The following RGS6 variants were observed in gnomAD, a reference collection of about 807,000 sequenced individuals.
RGS6 encodes regulator of G-protein signaling 6.
In RGS6, 30 loss-of-function variants were observed where a neutral mutation model predicts 78.5. That is an observed-to-expected ratio of 0.38 (90% CI 0.29 to 0.52). RGS6 has a LOEUF of 0.52. Ranked by LOEUF, RGS6 falls within the 20% of genes least tolerant of loss-of-function variation. RGS6 has a pLI of 0.85. For synonymous variants in RGS6, 206 were observed against 206.0 expected (o/e 1.00, Z 0.00); for missense variants, 495 against 609.7 (o/e 0.81, Z 1.98).
intron 2 of RGS6, among the ~76,000 whole-genome samples, chr14:71,984,970 C>G (rs185052092): frequency 6.6e-6 from 1 of 152,272 alleles, no homozygotes; most frequent in African/African-American, 2.4e-5. Context: ...ACATTTTGGT[C>G]TCTTCCTCCC....
chr14:72,411,570 C>T (rs1348948620), intron 3 of RGS6, among the ~76,000 whole-genome samples: 3 of 152,162 alleles, frequency 2.0e-5, no homozygotes, highest in Non-Finnish European at 4.4e-5. Flanking sequence ...CCTTCTCCTG[C>T]CTGATTGCCC....
intron 3 of RGS6, among the ~76,000 whole-genome samples, chr14:72,402,790 G>GTTTTTTTTTTTTTTTTTTTTTT (rs1167831473): frequency 2.6e-5 from 2 of 75,800 alleles, no homozygotes; most frequent in Non-Finnish European, 4.7e-5. Flanking sequence ...TGTTTTTTTG[G>GTTTTTTTTTTTTTTTTTTTTTT]TTTTTTTTTT....
At chr14:72,435,472 G>A (rs1335011839) in intron 3 of RGS6, among the ~76,000 whole-genome samples, 2 of 152,206 alleles carry the variant, frequency 1.3e-5, no homozygotes, top group African/African-American at 4.8e-5. Context: ...GGCCAAAGAT[G>A]TGTGTATGAG....
intron 3 of RGS6, among the ~76,000 whole-genome samples, chr14:72,437,350 A>G (rs10137599): frequency 8.3e-6 from 1 of 120,046 alleles, no homozygotes; most frequent in African/African-American, 4.0e-5. Flanking sequence ...CAAAAAAAAA[A>G]AAAAAAAAAA....
At chr14:72,413,639 T>A (rs1401552489) in intron 3 of RGS6, among the ~76,000 whole-genome samples, 1 of 152,230 alleles carries the variant, frequency 6.6e-6, no homozygotes. Context: ...TGCTCATTGG[T>A]TGATGCAGTT....
At chr14:72,118,110 A>C (rs551051965) in intron 2 of RGS6, among the ~76,000 whole-genome samples, 8 of 152,258 alleles carry the variant, frequency 5.3e-5, no homozygotes, top group African/African-American at 1.9e-4. Flanking sequence ...TCGTGTGTGT[A>C]CATGAACATC....
the RGS6 span, among the ~76,000 whole-genome samples, chr14:71,874,877 C>A: frequency 6.6e-6 from 1 of 152,122 alleles, no homozygotes; most frequent in Admixed American, 6.5e-5. Flanking sequence ...TGTTGAAGGC[C>A]TTTTACGCAT....
intron 3 of RGS6, among the ~76,000 whole-genome samples, chr14:72,354,252 A>G (rs1566607045): frequency 6.6e-6 from 1 of 152,048 alleles, no homozygotes; most frequent in Non-Finnish European, 1.5e-5. Flanking sequence ...GAGATCAGGT[A>G]CCATCATAGG....
At chr14:71,908,774 G>A in the RGS6 span, among the ~76,000 whole-genome samples, 21 of 152,254 alleles carry the variant, frequency 1.4e-4, no homozygotes, top group Admixed American at 1.2e-3. Context: ...AAACATGTTA[G>A]AGGAACCCCT....
intron 12 of RGS6, among the ~76,000 whole-genome samples, chr14:72,481,506 C>T (rs1302394843): frequency 1.3e-5 from 2 of 152,198 alleles, no homozygotes; most frequent in African/African-American, 2.4e-5. Flanking sequence ...CTGCCTCACA[C>T]GCCATCACTA....
chr14:72,523,385 G>A (rs2097075985), intron 15 of RGS6, among the ~76,000 whole-genome samples: 1 of 152,130 alleles, frequency 6.6e-6, no homozygotes, highest in Non-Finnish European at 1.5e-5. Flanking sequence ...CAGCCCATGG[G>A]GCTCAGGGGC....
At chr14:72,522,330 C>G (rs558623408) in intron 15 of RGS6, among the ~76,000 whole-genome samples, 1 of 152,288 alleles carries the variant, frequency 6.6e-6, no homozygotes, top group African/African-American at 2.4e-5. Flanking sequence ...AGACCCACCT[C>G]CAAGTACCAC....
At chr14:72,353,883 C>T (rs2079631137) in intron 3 of RGS6, among the ~76,000 whole-genome samples, 2 of 152,038 alleles carry the variant, frequency 1.3e-5, no homozygotes, top group South Asian at 2.1e-4. Context: ...ACTTGGGAGA[C>T]TGAGGCAGGA....
At chr14:71,965,534 A>G (rs1337078847) in intron 2 of RGS6, among the ~76,000 whole-genome samples, 5 of 152,276 alleles carry the variant, frequency 3.3e-5, no homozygotes, top group South Asian at 2.1e-4. Flanking sequence ...GGAAAGTAAC[A>G]GCAACCGGAA....
chr14:72,266,413 G>A (rs577465881), intron 2 of RGS6, among the ~76,000 whole-genome samples: 1 of 152,228 alleles, frequency 6.6e-6, no homozygotes, highest in South Asian at 2.1e-4. Flanking sequence ...TGGTTGCACA[G>A]TTATGCCGTC....
At chr14:72,427,828 T>G (rs2094489159) in intron 3 of RGS6, among the ~76,000 whole-genome samples, 1 of 152,228 alleles carries the variant, frequency 6.6e-6, no homozygotes, top group South Asian at 2.1e-4. Flanking sequence ...TCTTTTTGTT[T>G]TAAAATTGCT....
Position 72,566,330 on chromosome 14 carries a change from G to A in RGS6, c.*3863G>A, listed in dbSNP as rs897206522. On this transcript the variant is annotated 3_prime_UTR_variant, in exon 18 of 18. Transcript: ENST00000553525. Reference sequence around the variant, plus strand: ...CCAGCTGCTGTCAGCTGTCTGGGGAGGGAAGGCCCTGCTCCATACCAGGGG... The same window carrying A: ...CCAGCTGCTGTCAGCTGTCTGGGGAAGGAAGGCCCTGCTCCATACCAGGGG... The A allele has an allele frequency of 2.0e-5, 3 of 152,254 alleles. No individual in the cohort carries two copies. The highest frequency in any genetic ancestry group is 7.2e-5 in the African/African-American group (3 of 41,450). The allele number at this position is 152,254 out of a possible 1,614,324, so 9.4% of individuals were successfully genotyped here.
At chr14:72,068,317 C>A (rs1597031500) in intron 2 of RGS6, among the ~76,000 whole-genome samples, 1 of 151,392 alleles carries the variant, frequency 6.6e-6, no homozygotes, top group African/African-American at 2.4e-5. Flanking sequence ...GTATTTTTTG[C>A]AGAGAGGGGG....
chr14:72,028,337 A>C (rs1443959387), intron 2 of RGS6, among the ~76,000 whole-genome samples: 1 of 152,194 alleles, frequency 6.6e-6, no homozygotes, highest in Non-Finnish European at 1.5e-5. Context: ...CCTGAGTACC[A>C]ATTACATCCA....
Sources: gnomAD v4.1 joint callset for allele counts (sites outside exome capture counted in the v4.1 genomes callset) on GRCh38, gnomAD v4.1.1 for gene constraint, MANE v1.5 for transcripts, NCBI Gene and HGNC (gene_info 2026-07-23, HGNC 2026-07-21) for gene names.